The following PTPRD variants were observed in gnomAD, a reference collection of about 807,000 sequenced individuals.
The protein encoded by PTPRD is receptor-type tyrosine-protein phosphatase delta.
PTPRD carries 34 observed loss-of-function variants against 214.5 expected under a neutral mutation model. That is an observed-to-expected ratio of 0.16 (90% CI 0.12 to 0.21). PTPRD has a LOEUF of 0.21. Among genes scored for constraint, PTPRD ranks in the 10% least tolerant of loss-of-function variants. The pLI is 1.00. For missense variants in PTPRD, 2,545 were observed against 2,398.7 expected, an observed-to-expected ratio of 1.06 and a Z score of -1.27; for synonymous variants, 1,128 against 845.7, an observed-to-expected ratio of 1.33 and a Z score of -5.79.
chr9:8,727,221 TA>T (rs961219719), intron 12 of PTPRD, among the ~76,000 whole-genome samples: 2 of 152,146 alleles, frequency 1.3e-5, no homozygotes, highest in East Asian at 1.9e-4. Context: ...TGGAATTGTT[TA>T]AAAAAGCAAG....
chr9:8,763,242 T>C (rs1316901932), intron 11 of PTPRD, among the ~76,000 whole-genome samples: 1 of 152,342 alleles, frequency 6.6e-6, no homozygotes, highest in South Asian at 2.1e-4. Context: ...CCAGGGATAG[T>C]GGCTCATGCC....
intron 10 of PTPRD, among the ~76,000 whole-genome samples, chr9:9,043,678 C>G (rs1301974179): frequency 6.6e-6 from 1 of 151,964 alleles, no homozygotes; most frequent in African/African-American, 2.4e-5. Flanking sequence ...CCAAGGCAGG[C>G]GGATCACGTG....
intron 32 of PTPRD, among the ~76,000 whole-genome samples, chr9:8,464,632 C>G (rs751640933): frequency 1.3e-5 from 2 of 151,702 alleles, no homozygotes; most frequent in Non-Finnish European, 2.9e-5. Context: ...GATTAGAAAA[C>G]GAAGTTTATA....
chr9:9,187,897 T>C (rs2099932638), intron 9 of PTPRD, among the ~76,000 whole-genome samples: 1 of 151,918 alleles, frequency 6.6e-6, no homozygotes, highest in African/African-American at 2.4e-5. Context: ...TCCTTTTGTC[T>C]CAACTAAATT....
intron 2 of PTPRD, among the ~76,000 whole-genome samples, chr9:10,396,058 T>G (rs2098164509): frequency 6.6e-6 from 1 of 151,578 alleles, no homozygotes; most frequent in Non-Finnish European, 1.5e-5. Flanking sequence ...AACGTTCCAG[T>G]TTTCAGTTCC....
At chr9:9,810,595 C>A (rs2046840949) in intron 5 of PTPRD, among the ~76,000 whole-genome samples, 1 of 151,160 alleles carries the variant, frequency 6.6e-6, no homozygotes, top group South Asian at 2.1e-4. Flanking sequence ...CTTGTTGAAA[C>A]CTATTGCTCA....
chr9:9,930,569 A>G (rs932367321), intron 5 of PTPRD, among the ~76,000 whole-genome samples: 1 of 152,202 alleles, frequency 6.6e-6, no homozygotes, highest in African/African-American at 2.4e-5. Context: ...GTAACTTTGA[A>G]TATTTGATAA....
chr9:10,267,109 T>G (rs951559285), intron 3 of PTPRD, among the ~76,000 whole-genome samples: 18 of 148,124 alleles, frequency 1.2e-4, no homozygotes, highest in African/African-American at 4.3e-4. Context: ...GAGAGTCGCC[T>G]GAACTCGGGG....
At chr9:8,749,534 A>T (rs1003542267) in intron 11 of PTPRD, among the ~76,000 whole-genome samples, 2 of 152,174 alleles carry the variant, frequency 1.3e-5, no homozygotes, top group African/African-American at 2.4e-5. Context: ...CCATAGACAA[A>T]AATGACATAT....
chr9:9,631,257 G>C (rs972349400), intron 7 of PTPRD, among the ~76,000 whole-genome samples: 3 of 150,640 alleles, frequency 2.0e-5, no homozygotes, highest in Non-Finnish European at 3.0e-5. Flanking sequence ...GAAAGAGTGA[G>C]CTCTGGGTGG....
intron 2 of PTPRD, among the ~76,000 whole-genome samples, chr9:10,454,951 A>G (rs2098896435): frequency 2.6e-5 from 4 of 151,784 alleles, no homozygotes; most frequent in Admixed American, 2.6e-4. Context: ...GCAAGAAATT[A>G]AAGTTGAGAG....
At chr9:10,513,499 G>A (rs2048980115) in intron 2 of PTPRD, among the ~76,000 whole-genome samples, 1 of 152,106 alleles carries the variant, frequency 6.6e-6, no homozygotes, top group African/African-American at 2.4e-5. Flanking sequence ...AATGGCAATT[G>A]CAAGCATACA....
intron 11 of PTPRD, among the ~76,000 whole-genome samples, chr9:8,993,657 T>G (rs760380563): frequency 6.6e-6 from 1 of 152,166 alleles, no homozygotes; most frequent in South Asian, 2.1e-4. Context: ...GAAAATCTTA[T>G]GTATCTTAGA....
chr9:9,505,668 G>A (rs900292909), intron 8 of PTPRD, among the ~76,000 whole-genome samples: 10 of 151,296 alleles, frequency 6.6e-5, no homozygotes, highest in African/African-American at 2.4e-4. Context: ...GCTCACACAG[G>A]GAATCAATAA....
intron 3 of PTPRD, among the ~76,000 whole-genome samples, chr9:10,176,247 A>G (rs2099248029): frequency 6.6e-6 from 1 of 151,874 alleles, no homozygotes. Flanking sequence ...ATTTTTATAT[A>G]AATTTTTTTT....
chr9:8,736,582 G>A (rs1055873252), intron 11 of PTPRD, among the ~76,000 whole-genome samples: 2 of 152,084 alleles, frequency 1.3e-5, no homozygotes, highest in African/African-American at 4.8e-5. Flanking sequence ...GCTTAAGCAT[G>A]AGAACAAAAA....
intron 5 of PTPRD, among the ~76,000 whole-genome samples, chr9:9,934,523 C>A (rs1222154195): frequency 6.6e-6 from 1 of 150,510 alleles, no homozygotes; most frequent in Non-Finnish European, 1.5e-5. Context: ...AAGACTAAAC[C>A]AGGAAGAAGT....
intron 2 of PTPRD, among the ~76,000 whole-genome samples, chr9:10,446,757 G>A (rs1389435475): frequency 6.6e-6 from 1 of 152,042 alleles, no homozygotes; most frequent in Non-Finnish European, 1.5e-5. Flanking sequence ...CATATCAAAG[G>A]GACAAATTGT....
At chr9:8,649,573 T>C (rs1284183389) in intron 12 of PTPRD, among the ~76,000 whole-genome samples, 2 of 152,222 alleles carry the variant, frequency 1.3e-5, no homozygotes, top group Non-Finnish European at 2.9e-5. Context: ...AAATGATGTT[T>C]GATTGTATTT....
Sources: allele counts gnomAD v4.1 joint callset (sites outside exome capture counted in the v4.1 genomes callset), GRCh38; gene constraint gnomAD v4.1.1; transcripts MANE v1.5; gene names NCBI Gene and HGNC (gene_info 2026-07-23, HGNC 2026-07-21).